TENM4: variants seen among roughly 807,000 people sequenced by gnomAD.
The protein encoded by TENM4 is teneurin transmembrane protein 4, also known as teneurin-4.
In TENM4, 82 loss-of-function variants were observed where a neutral mutation model predicts 243.3. That is an observed-to-expected ratio of 0.34 (90% CI 0.28 to 0.40). The LOEUF (loss-of-function observed/expected upper bound fraction) is 0.40. Ranked by LOEUF, TENM4 falls within the 10% of genes least tolerant of loss-of-function variation. The probability of loss-of-function intolerance (pLI) is 1.00; values close to 1 mark genes in which losing one functional copy is unlikely to be tolerated. For missense variants in TENM4, 3,138 were observed against 3,673.3 expected (o/e 0.85, Z 3.77); for synonymous variants, 1,412 against 1,456.3 (o/e 0.97, Z 0.69).
At chr11:79,138,332 AT>A (rs1862156416) in intron 4 of TENM4, among the ~76,000 whole-genome samples, 2 of 76,006 alleles carry the variant, frequency 2.6e-5, no homozygotes, top group East Asian at 2.7e-4. Context: ...TATATATATT[AT>A]ATATATAATA....
intron 1 of TENM4, among the ~76,000 whole-genome samples, chr11:79,310,355 C>T (rs1235214506): frequency 6.6e-6 from 1 of 152,144 alleles, no homozygotes; most frequent in Non-Finnish European, 1.5e-5. Flanking sequence ...GCCTATCATA[C>T]CAAAGGCCAG....
intron 2 of TENM4, among the ~76,000 whole-genome samples, chr11:79,250,492 G>C (rs1427407452): frequency 6.6e-6 from 1 of 152,248 alleles, no homozygotes; most frequent in Admixed American, 6.5e-5. Flanking sequence ...AAATGGGGAA[G>C]AAAGCCACAC....
At position 79,379,737 on chromosome 11, in the gene TENM4, C is replaced by A. The variant is rs574493070; in HGVS notation, c.-321+60772G>T. ...TAAGTGGCAGAGGCAGGATCTGGAC[C>A]AAGGCCATCCTGTTCCAGAGCCCAT... On this transcript the variant is annotated intron_variant, in intron 1 of 33. Coordinates refer to ENST00000278550, the MANE Select transcript of TENM4 (RefSeq NM_001098816.3). 5.9e-5 allele frequency among the ~76,000 whole-genome samples: 9 copies of A among 152,306 alleles called. No individual in the cohort carries two copies. The South Asian group carries it at 1.9e-3, about 32-fold the overall frequency.
intron 1 of TENM4, among the ~76,000 whole-genome samples, chr11:79,300,468 T>C (rs1159791232): frequency 6.6e-6 from 1 of 152,336 alleles, no homozygotes; most frequent in Admixed American, 6.5e-5. Context: ...ACATATTTCT[T>C]GTAGGGTTGT....
chr11:79,299,438 T>G (rs1227271603), intron 1 of TENM4, among the ~76,000 whole-genome samples: 1 of 152,186 alleles, frequency 6.6e-6, no homozygotes, highest in Non-Finnish European at 1.5e-5. Flanking sequence ...AGATATGCAA[T>G]TCTGTGCCAT....
intron 4 of TENM4, among the ~76,000 whole-genome samples, chr11:79,124,086 T>A (rs893454907): frequency 4.6e-5 from 7 of 152,222 alleles, no homozygotes; most frequent in African/African-American, 1.4e-4. Flanking sequence ...GGGTTTTGAC[T>A]GTGGGTCCGT....
At chr11:78,729,969 C>T (rs535714171) in intron 21 of TENM4, among the ~76,000 whole-genome samples, 1 of 152,260 alleles carries the variant, frequency 6.6e-6, no homozygotes, top group East Asian at 1.9e-4. Context: ...GCCTCAGCCT[C>T]CTGCTCTGTA....
At chr11:79,143,468 T>C (rs1376171945) in intron 4 of TENM4, among the ~76,000 whole-genome samples, 1 of 152,026 alleles carries the variant, frequency 6.6e-6, no homozygotes, top group Non-Finnish European at 1.5e-5. Context: ...TAGGTCGGAA[T>C]TTAACAATGA....
rs1862245081 is a variant in TENM4 at position 79,139,779 on chromosome 11, T to TATATATTATATTTATATATATATA, written c.-66+8930_-66+8931insTATATATATATAAATATAATATAT. ...ATATTATATTTATATAAATATATAA[T>TATATATTATATTTATATATATATA]ATATATTATATTTATATAAATATAT... On this transcript the variant is annotated intron_variant, in intron 4 of 33. Transcript: ENST00000278550. Among the ~76,000 whole-genome samples the TATATATTATATTTATATATATATA allele has an allele frequency of 7.2e-5, 2 of 27,846 alleles. 1 individual carries two copies. Among genetic ancestry groups the TATATATTATATTTATATATATATA allele is most frequent in the African/African-American group, 3.7e-4 (2 of 5,376 alleles). The allele number at this position is 27,846 out of a possible 152,430, so 18.3% of individuals were successfully genotyped here. A position where few individuals can be genotyped will look rare whatever the true frequency, so the allele number is the denominator to read the frequency against.
At chr11:79,177,385 T>C (rs2135130217) in intron 3 of TENM4, among the ~76,000 whole-genome samples, 1 of 152,270 alleles carries the variant, frequency 6.6e-6, no homozygotes, top group South Asian at 2.1e-4. Context: ...TTCTTTTTTT[T>C]TCTTTTCTTT....
At chr11:78,848,357 A>C (rs1418155539) in intron 12 of TENM4, among the ~76,000 whole-genome samples, 1 of 152,184 alleles carries the variant, frequency 6.6e-6, no homozygotes, top group Non-Finnish European at 1.5e-5. Context: ...TCTCCTTGAT[A>C]ACTCATTTCT....
intron 1 of TENM4, among the ~76,000 whole-genome samples, chr11:79,397,494 G>A (rs749959368): frequency 6.6e-6 from 1 of 152,226 alleles, no homozygotes; most frequent in African/African-American, 2.4e-5. Context: ...CTTCTTCTCC[G>A]GATACCATTT....
intron 7 of TENM4, among the ~76,000 whole-genome samples, chr11:78,896,495 G>A (rs957208217): frequency 6.6e-6 from 1 of 152,048 alleles, no homozygotes; most frequent in Non-Finnish European, 1.5e-5. Flanking sequence ...CCAGCCTCCA[G>A]GCCCACAGGG....
chr11:79,088,064 C>T (rs1031215636), intron 4 of TENM4, among the ~76,000 whole-genome samples: 1 of 152,222 alleles, frequency 6.6e-6, no homozygotes, highest in Non-Finnish European at 1.5e-5. Context: ...TCACTTTGTT[C>T]TCTTGATTGT....
At chr11:78,825,099 A>C (rs571662330) in intron 12 of TENM4, among the ~76,000 whole-genome samples, 1 of 152,316 alleles carries the variant, frequency 6.6e-6, no homozygotes, top group African/African-American at 2.4e-5. Flanking sequence ...ACTGTGTTAA[A>C]GCTGTCAGGA....
intron 6 of TENM4, among the ~76,000 whole-genome samples, chr11:79,042,736 C>T (rs1859568595): frequency 6.6e-6 from 1 of 152,228 alleles, no homozygotes; most frequent in African/African-American, 2.4e-5. Context: ...CAACCCACAT[C>T]TATTTAGTTA....
At chr11:79,286,219 G>A (rs796598925) in intron 2 of TENM4, among the ~76,000 whole-genome samples, 2 of 152,234 alleles carry the variant, frequency 1.3e-5, no homozygotes, top group African/African-American at 4.8e-5. Context: ...AAAAGAGAAA[G>A]GGAGCGAGAG....
chr11:79,240,606 C>G (rs1162436664), intron 2 of TENM4, among the ~76,000 whole-genome samples: 1 of 152,134 alleles, frequency 6.6e-6, no homozygotes, highest in Non-Finnish European at 1.5e-5. Flanking sequence ...TACTAGTAAC[C>G]ATTTACTGGT....
chr11:79,173,651 T>C (rs1591332498), intron 3 of TENM4, among the ~76,000 whole-genome samples: 3 of 152,220 alleles, frequency 2.0e-5, no homozygotes, highest in African/African-American at 7.2e-5. Flanking sequence ...TTGCTACTTA[T>C]TGGGCTGCCT....
Sources: gnomAD v4.1 joint callset for allele counts (sites outside exome capture counted in the v4.1 genomes callset) on GRCh38, gnomAD v4.1.1 for gene constraint, MANE v1.5 for transcripts, NCBI Gene and HGNC (gene_info 2026-07-23, HGNC 2026-07-21) for gene names.